Variants in GUCY1B1 observed in about 807,000 individuals in gnomAD.
GUCY1B1 encodes the protein guanylate cyclase soluble subunit beta-1.
A neutral mutation model predicts 71.0 loss-of-function variants in GUCY1B1; 43 were observed. The observed-to-expected ratio is 0.61, with a 90% CI of 0.47 to 0.78. The LOEUF is 0.78. Ranked by LOEUF, GUCY1B1 falls within the 30% of genes least tolerant of loss-of-function variation. The pLI, the probability that GUCY1B1 is intolerant of heterozygous loss-of-function variation, is 0.00. For missense variants in GUCY1B1, 535 were observed against 754.1 expected (o/e 0.71, Z 3.40); for synonymous variants, 266 against 259.7 (o/e 1.02, Z -0.23).
At chr4:155,761,597 A>G (rs1203202078) in intron 2 of GUCY1B1, among the ~76,000 whole-genome samples, 1 of 152,246 alleles carries the variant, frequency 6.6e-6, no homozygotes, top group African/African-American at 2.4e-5. Flanking sequence ...AATGTATCAG[A>G]CATTTTAAAA....
chr4:155,775,914 A>G (rs1738013951), intron 3 of GUCY1B1, among the ~76,000 whole-genome samples: 1 of 152,250 alleles, frequency 6.6e-6, no homozygotes, highest in South Asian at 2.1e-4. Flanking sequence ...TTTGGATACA[A>G]TAGAATGAAG....
intron 2 of GUCY1B1, among the ~76,000 whole-genome samples, chr4:155,769,602 A>G (rs756021417): frequency 5.9e-5 from 9 of 152,168 alleles, no homozygotes; most frequent in Non-Finnish European, 1.3e-4. Flanking sequence ...AGACTGTAAT[A>G]CAAACTAGGA....
intron 2 of GUCY1B1, among the ~76,000 whole-genome samples, chr4:155,770,922 A>T (rs565545867): frequency 5.9e-5 from 9 of 152,170 alleles, no homozygotes; most frequent in African/African-American, 2.2e-4. Flanking sequence ...ATAACATATT[A>T]TATCATTTTG....
intron 8 of GUCY1B1, among the ~76,000 whole-genome samples, chr4:155,797,852 T>C (rs1288589156): frequency 6.6e-6 from 1 of 151,612 alleles, no homozygotes; most frequent in East Asian, 1.9e-4. Context: ...TATAAGGATA[T>C]GGATGTCTTT....
intron 2 of GUCY1B1, among the ~76,000 whole-genome samples, chr4:155,763,587 TA>T (rs1737144083): frequency 6.6e-6 from 1 of 152,228 alleles, no homozygotes; most frequent in Non-Finnish European, 1.5e-5. Context: ...TTAGTCTTAT[TA>T]TTTTGTTTTT....
intron 7 of GUCY1B1, 89 bp from the exon 8 acceptor site, chr4:155,796,287 TG>T (rs1739549847): frequency 8.6e-7 from 1 of 1,164,900 alleles, no homozygotes; most frequent in Admixed American, 2.0e-5. Flanking sequence ...CTTTGTGGTT[TG>T]GTGGGAAATG....
intron 2 of GUCY1B1, among the ~76,000 whole-genome samples, chr4:155,761,273 C>CA (rs1362201235): frequency 6.6e-6 from 1 of 151,846 alleles, no homozygotes; most frequent in Non-Finnish European, 1.5e-5. Flanking sequence ...AGGCAGACAT[C>CA]AAAAAAAGAT....
At chr4:155,786,315 C>T (rs959465113) in intron 4 of GUCY1B1, among the ~76,000 whole-genome samples, 3 of 145,224 alleles carry the variant, frequency 2.1e-5, no homozygotes, top group African/African-American at 7.8e-5. Flanking sequence ...ACTGTGTCGC[C>T]CAGGCTGGAG....
chr4:155,788,824 T>G (rs1208668221), intron 4 of GUCY1B1, among the ~76,000 whole-genome samples: 1 of 152,202 alleles, frequency 6.6e-6, no homozygotes, highest in Non-Finnish European at 1.5e-5. Context: ...TATACCATGC[T>G]GTGCTGTGTG....
chr4:155,800,359 A>G (rs1178202609), intron 9 of GUCY1B1, among the ~76,000 whole-genome samples: 2 of 152,242 alleles, frequency 1.3e-5, no homozygotes, highest in African/African-American at 2.4e-5. Context: ...AATTTAGTTC[A>G]AAAATTGAAG....
At chr4:155,768,818 C>G (rs1737518208) in intron 2 of GUCY1B1, among the ~76,000 whole-genome samples, 1 of 152,140 alleles carries the variant, frequency 6.6e-6, no homozygotes, top group Non-Finnish European at 1.5e-5. Context: ...GCTACAGATA[C>G]AAAGAATGTG....
chr4:155,804,441 G>C (rs1182282350), intron 11 of GUCY1B1, among the ~76,000 whole-genome samples, 152 bp from the exon 12 acceptor site: 1 of 151,814 alleles, frequency 6.6e-6, no homozygotes, highest in Admixed American at 6.6e-5. Context: ...ATAATGGGTT[G>C]ATAGGTGCAG....
intron 4 of GUCY1B1, among the ~76,000 whole-genome samples, chr4:155,788,663 G>A (rs1243478512): frequency 1.3e-5 from 2 of 152,200 alleles, no homozygotes; most frequent in Non-Finnish European, 2.9e-5. Context: ...AATGTGCTAA[G>A]TGCTTTATAT....
In GUCY1B1 at chr4:155,795,554, A is replaced by G. The variant is rs1408257264; in HGVS notation, c.843+97A>G. ...TATCACATTCTCTGAGAAAGTATAGAGAGATAAAACCCAGACCTCAAAGGA... is the reference window on the plus strand; with the variant it reads ...TATCACATTCTCTGAGAAAGTATAGGGAGATAAAACCCAGACCTCAAAGGA... On this transcript the variant is annotated intron_variant, in intron 7 of 13. Coordinates refer to ENST00000264424, the MANE Select transcript of GUCY1B1 (RefSeq NM_000857.5). The G allele has an allele frequency of 6.4e-6, 4 of 626,370 alleles. No individual in the cohort carries two copies. In the East Asian group the frequency reaches 1.1e-4, roughly 18 times the overall value. 38.8% of individuals were successfully genotyped at this position (626,370 alleles called of 1,614,324 possible).
At chr4:155,780,550 T>G (rs746048498) in intron 4 of GUCY1B1, among the ~76,000 whole-genome samples, 2 of 152,250 alleles carry the variant, frequency 1.3e-5, no homozygotes, top group Non-Finnish European at 2.9e-5. Flanking sequence ...CCAGAGATCA[T>G]GTATAATCTC....
chr4:155,781,531 C>CA (rs1206326551), intron 4 of GUCY1B1, among the ~76,000 whole-genome samples: 10 of 151,020 alleles, frequency 6.6e-5, no homozygotes, highest in African/African-American at 2.2e-4. Context: ...GAGACTTTAA[C>CA]AAAAAAATAG....
chr4:155,783,483 A>G (rs1337043052), intron 4 of GUCY1B1, among the ~76,000 whole-genome samples: 2 of 152,198 alleles, frequency 1.3e-5, no homozygotes, highest in Non-Finnish European at 2.9e-5. Context: ...GCGTTCTTTC[A>G]TTATTTGCTG....
chr4:155,762,005 C>T (rs13122391), intron 2 of GUCY1B1, among the ~76,000 whole-genome samples: 10,544 of 152,288 alleles, frequency 0.069, 491 homozygotes, highest in African/African-American at 0.14. Flanking sequence ...CCCAGCTGAT[C>T]TTGGGTGTGG....
At chr4:155,784,555 G>A (rs1460019873) in intron 4 of GUCY1B1, among the ~76,000 whole-genome samples, 1 of 152,042 alleles carries the variant, frequency 6.6e-6, no homozygotes, top group African/African-American at 2.4e-5. Flanking sequence ...TAGAAAGAAA[G>A]GAAATACTAT....
Sources: gnomAD v4.1 joint callset for allele counts (sites outside exome capture counted in the v4.1 genomes callset) on GRCh38, gnomAD v4.1.1 for gene constraint, MANE v1.5 for transcripts, NCBI Gene and HGNC (gene_info 2026-07-23, HGNC 2026-07-21) for gene names.